The following HDAC4 variants were observed in gnomAD, a reference collection of about 807,000 sequenced individuals.
HDAC4 encodes histone deacetylase 4.
Under a neutral mutation model 135.1 loss-of-function variants are expected in HDAC4, and 16 were observed. The observed-to-expected ratio is 0.12, with a 90% CI of 0.08 to 0.18. The LOEUF is 0.18. Among genes scored for constraint, HDAC4 ranks in the 10% least tolerant of loss-of-function variants. The pLI is 1.00. For synonymous variants in HDAC4, 685 were observed against 653.4 expected (o/e 1.05, Z -0.74); for missense variants, 1,143 against 1,511.8 (o/e 0.76, Z 4.05).
intron 7 of HDAC4, among the ~76,000 whole-genome samples, chr2:239,151,414 CA>C (rs1254133793): frequency 1.3e-5 from 2 of 152,196 alleles, no homozygotes; most frequent in Non-Finnish European, 2.9e-5. Context: ...AGCTTCCCCC[CA>C]AAATGGAGGA....
chr2:239,148,453 A>C (rs2041904741), intron 7 of HDAC4, among the ~76,000 whole-genome samples: 2 of 152,326 alleles, frequency 1.3e-5, no homozygotes, highest in South Asian at 4.1e-4. Context: ...GGAGCTGGAC[A>C]CGGAGGCCAA....
intron 1 of HDAC4, among the ~76,000 whole-genome samples, chr2:239,374,386 C>CGCTTTTT (rs1694847282): frequency 8.8e-5 from 5 of 56,708 alleles, no homozygotes; most frequent in African/African-American, 3.9e-4. Context: ...GAAAACAAGG[C>CGCTTTTT]TTTTTTTTTT....
intron 9 of HDAC4, among the ~76,000 whole-genome samples, chr2:239,136,969 T>A (rs1468503223): frequency 6.6e-6 from 1 of 152,194 alleles, no homozygotes; most frequent in Non-Finnish European, 1.5e-5. Flanking sequence ...ACATTTTTCC[T>A]AGGCAATTTT....
At chr2:239,298,609 C>T (rs2052054396) in intron 2 of HDAC4, 1 of 999,440 alleles carries the variant, frequency 1.0e-6, no homozygotes, top group African/African-American at 1.7e-5. Flanking sequence ...CACACAGGAT[C>T]AGCAGTGATA....
Position 239,051,380 on chromosome 2 carries a change from A to C in HDAC4, c.*1717T>G, listed in dbSNP as rs902653891. ...CTGTACGCTGCAGAAAACTCATCGT[A>C]CAAAAATAAAAACAAAAATAATTAA... On this transcript the variant is annotated 3_prime_UTR_variant, in exon 27 of 27. Coordinates refer to ENST00000543185, the MANE Select transcript of HDAC4 (RefSeq NM_001378414.1). 1.3e-5 allele frequency: 2 copies of C among 152,264 alleles called. No homozygotes were observed. Among genetic ancestry groups the C allele is most frequent in the African/African-American group, 4.8e-5 (2 of 41,460 alleles). The allele number at this position is 152,264 out of a possible 1,614,324, so 9.4% of individuals were successfully genotyped here. A position where few individuals can be genotyped will look rare whatever the true frequency, so the allele number is the denominator to read the frequency against.
intron 17 of HDAC4, among the ~76,000 whole-genome samples, chr2:239,093,642 G>T (rs1379319891): frequency 6.6e-6 from 1 of 152,220 alleles, no homozygotes; most frequent in Non-Finnish European, 1.5e-5. Context: ...GCGTCCACGT[G>T]GGGAGCTTTT....
At chr2:239,156,128 A>G (rs974947384) in intron 7 of HDAC4, among the ~76,000 whole-genome samples, 2 of 152,186 alleles carry the variant, frequency 1.3e-5, no homozygotes, top group Non-Finnish European at 2.9e-5. Flanking sequence ...TTGGCTTAGG[A>G]CAGAACTGTG....
intron 16 of HDAC4, among the ~76,000 whole-genome samples, chr2:239,099,618 C>T (rs1239962037): frequency 1.3e-5 from 2 of 152,254 alleles, no homozygotes; most frequent in African/African-American, 4.8e-5. Context: ...AGCTCCCGGA[C>T]AGAAAGCCGC....
At chr2:239,398,745 C>T (rs756174083) in intron 1 of HDAC4, among the ~76,000 whole-genome samples, 2 of 152,220 alleles carry the variant, frequency 1.3e-5, no homozygotes, top group Non-Finnish European at 2.9e-5. Flanking sequence ...TGCAGGGCTC[C>T]GAGGCCACAT....
rs956826881 is a variant in HDAC4, at chr2:239,316,767, C to T, written c.22+35911G>A. Among the ~76,000 whole-genome samples the T allele has an allele frequency of 7.2e-5, 11 of 152,066 alleles. 1 individual carries two copies. Among genetic ancestry groups the T allele is most frequent in the Admixed American group, 7.2e-4 (11 of 15,264 alleles). On this transcript the variant is annotated intron_variant, in intron 2 of 26. Coordinates refer to ENST00000543185, the MANE Select transcript of HDAC4 (RefSeq NM_001378414.1). Reference sequence around the variant, plus strand: ...AGTGGGCAAATGAAAGCACACAAGGCCACCCAGGAAAGAAAGGGTAGCTCA... The same window carrying T: ...AGTGGGCAAATGAAAGCACACAAGGTCACCCAGGAAAGAAAGGGTAGCTCA...
chr2:239,269,568 T>C (rs1369708035), intron 2 of HDAC4, among the ~76,000 whole-genome samples: 1 of 152,214 alleles, frequency 6.6e-6, no homozygotes, highest in Non-Finnish European at 1.5e-5. Context: ...ATGAGAAGCA[T>C]GAGGCCCTGC....
chr2:239,307,419 T>C lies in HDAC4; in HGVS notation c.22+45259A>G, dbSNP rs1002963350. ...CCCCAGGAGAGAGGGGCTTGAAGGATGGGTACCCCAAGCTGTCAAAAGACC... is the reference window on the plus strand; with the variant it reads ...CCCCAGGAGAGAGGGGCTTGAAGGACGGGTACCCCAAGCTGTCAAAAGACC... On this transcript the variant is annotated intron_variant, in intron 2 of 26. Coordinates refer to ENST00000543185, the MANE Select transcript of HDAC4 (RefSeq NM_001378414.1). This position sits in a 1 kb window ranked among gnomAD's most constrained non-coding sequence, Gnocchi z 4.8. Among the ~76,000 whole-genome samples, 3 of 152,082 alleles carry C rather than the reference T, an allele frequency of 2.0e-5. No homozygotes were observed. Among genetic ancestry groups the C allele is most frequent in the Non-Finnish European group, 2.9e-5 (2 of 68,014 alleles).
At chr2:239,234,905 C>A (rs567855784) in intron 3 of HDAC4, among the ~76,000 whole-genome samples, 1 of 152,300 alleles carries the variant, frequency 6.6e-6, no homozygotes, top group Admixed American at 6.5e-5. Flanking sequence ...AATCCTCTTA[C>A]CCTCGTGCCA....
At chr2:239,254,743 G>A (rs1215647978) in intron 2 of HDAC4, among the ~76,000 whole-genome samples, 2 of 152,184 alleles carry the variant, frequency 1.3e-5, no homozygotes, top group Admixed American at 1.3e-4. Flanking sequence ...GATAACGAAT[G>A]AGAATATTCC....
intron 16 of HDAC4, among the ~76,000 whole-genome samples, chr2:239,098,890 G>C (rs2037359910): frequency 6.6e-6 from 1 of 152,212 alleles, no homozygotes; most frequent in African/African-American, 2.4e-5. Flanking sequence ...AATGGGAGAG[G>C]CATCCTCACA....
At chr2:239,202,938 G>A (rs1440723471) in intron 3 of HDAC4, among the ~76,000 whole-genome samples, 2 of 152,178 alleles carry the variant, frequency 1.3e-5, no homozygotes, top group Non-Finnish European at 2.9e-5. Context: ...GCCTGTCCAC[G>A]CCGCCTGAGC....
At position 239,115,036 on chromosome 2, in the gene HDAC4, TC is replaced by T; in HGVS notation, c.1791+16del. The stretch of plus-strand genomic sequence containing the variant: ...TGTGCGTGCCAGCCTTCTGGTGCCC[TC>T]CCCGCCTGCGGTCACCTGTCTGAAG... On this transcript the variant is annotated intron_variant, in intron 13 of 26. Transcript: ENST00000543185. This position sits in a 1 kb window ranked among gnomAD's most constrained non-coding sequence, Gnocchi z 6.3. 1.2e-6 allele frequency: 2 copies of T among 1,607,658 alleles called. No homozygotes were observed. Among genetic ancestry groups the T allele is most frequent in the Non-Finnish European group, 1.7e-6 (2 of 1,179,542 alleles).
At chr2:239,067,174 C>T (rs1156866360) in intron 23 of HDAC4, among the ~76,000 whole-genome samples, 4 of 152,254 alleles carry the variant, frequency 2.6e-5, no homozygotes, top group Non-Finnish European at 4.4e-5. Flanking sequence ...GGGCTATGGC[C>T]ATGCTCTTGT....
intron 11 of HDAC4, among the ~76,000 whole-genome samples, chr2:239,128,801 C>T (rs1477909615): frequency 6.6e-6 from 1 of 152,032 alleles, no homozygotes; most frequent in Non-Finnish European, 1.5e-5. Flanking sequence ...GTCCCCTGCC[C>T]AGGCCTGACC....
Sources: gnomAD v4.1 joint callset for allele counts (sites outside exome capture counted in the v4.1 genomes callset) on GRCh38, gnomAD v4.1.1 for gene constraint, Gnocchi (gnomAD v3.1) non-coding constraint, MANE v1.5 for transcripts, NCBI Gene and HGNC (gene_info 2026-07-23, HGNC 2026-07-21) for gene names.